The following SCGN variants were observed in gnomAD, a reference collection of about 807,000 sequenced individuals.
The protein encoded by SCGN is secretagogin.
In SCGN, 30 loss-of-function variants were observed where a neutral mutation model predicts 39.7. The observed-to-expected ratio is 0.76, with a 90% confidence interval of 0.57 to 1.03. The LOEUF (loss-of-function observed/expected upper bound fraction) is 1.03. Among genes scored for constraint, SCGN ranks in the 50% least tolerant of loss-of-function variants. The pLI is 0.00. For synonymous variants in SCGN, 106 were observed against 114.1 expected, an observed-to-expected ratio of 0.93 and a Z score of 0.45; for missense variants, 353 against 349.4, an observed-to-expected ratio of 1.01 and a Z score of -0.08.
chr6:25,692,748 T>A (rs993325349), intron 10 of SCGN, among the ~76,000 whole-genome samples: 12 of 152,136 alleles, frequency 7.9e-5, no homozygotes, highest in Non-Finnish European at 1.5e-4. Flanking sequence ...TCAGAATACA[T>A]CCGATTTACA....
intron 3 of SCGN, among the ~76,000 whole-genome samples, chr6:25,663,138 G>C (rs551279344): frequency 1.4e-4 from 22 of 152,152 alleles, no homozygotes; most frequent in South Asian, 4.1e-4. Context: ...AAAACGCAAT[G>C]AGTCTGTGAG....
At chr6:25,689,127 A>C (rs1759742480) in intron 7 of SCGN, 45 bp from the exon 8 acceptor site, 1 of 1,382,760 alleles carries the variant, frequency 7.2e-7, no homozygotes. Context: ...CGTATAACTG[A>C]GAGCTGAACG....
Position 25,688,801 on chromosome 6 carries a change from C to CAAAAA in SCGN, c.528-361_528-357dup, listed in dbSNP as rs10626691. Among the ~76,000 whole-genome samples, 184 of 103,124 alleles carry CAAAAA rather than the reference C, an allele frequency of 1.8e-3. 7 individuals carry two copies. The South Asian group carries it at 0.023, about 13-fold the overall frequency. 67.7% of individuals were successfully genotyped at this position (103,124 alleles called of 152,430 possible). ...TGGGCGACAGAGAGAGATTCTGTCT[C>CAAAAA]AAAAAAAAAAAAAAGATTTTTTTCA... is the stretch of plus-strand genomic sequence containing the variant. On this transcript the variant is annotated intron_variant, in intron 7 of 10. Coordinates refer to ENST00000377961, the MANE Select transcript of SCGN (RefSeq NM_006998.4).
chr6:25,664,370 G>A (rs906816122), intron 3 of SCGN, among the ~76,000 whole-genome samples: 1 of 152,144 alleles, frequency 6.6e-6, no homozygotes, highest in African/African-American at 2.4e-5. Flanking sequence ...GCTTGAGATC[G>A]CCAAGCTGAA....
intron 6 of SCGN, among the ~76,000 whole-genome samples, chr6:25,681,407 C>A (rs1759635524): frequency 1.3e-5 from 2 of 152,172 alleles, no homozygotes; most frequent in South Asian, 4.1e-4. Flanking sequence ...ACCCATATTT[C>A]AAGCTTGTAA....
intron 2 of SCGN, among the ~76,000 whole-genome samples, chr6:25,656,834 C>T (rs1760236125): frequency 6.6e-6 from 1 of 152,190 alleles, no homozygotes; most frequent in Non-Finnish European, 1.5e-5. Context: ...TTTGACTTCA[C>T]ATTTATTTAC....
intron 6 of SCGN, among the ~76,000 whole-genome samples, chr6:25,676,168 C>A (rs762274312): frequency 4.0e-4 from 61 of 152,282 alleles, no homozygotes; most frequent in Admixed American, 2.3e-3. Flanking sequence ...TAAATCTGAC[C>A]GTTTCTCACC....
chr6:25,690,394 G>A (rs1759760425), intron 9 of SCGN, among the ~76,000 whole-genome samples: 2 of 152,164 alleles, frequency 1.3e-5, no homozygotes, highest in African/African-American at 4.8e-5. Context: ...TAAGTGTTTG[G>A]TAAATACACT....
At chr6:25,688,221 C>T (rs1184793973) in intron 7 of SCGN, among the ~76,000 whole-genome samples, 1 of 152,066 alleles carries the variant, frequency 6.6e-6, no homozygotes, top group Admixed American at 6.5e-5. Context: ...TTAATTTCAG[C>T]CTGAAGGACT....
intron 10 of SCGN, among the ~76,000 whole-genome samples, chr6:25,699,589 CAAAAAAA>C (rs35915067): frequency 1.9e-5 from 1 of 53,828 alleles, no homozygotes; most frequent in Non-Finnish European, 3.8e-5. Flanking sequence ...AACTCTGTCT[CAAAAAAA>C]AAAAAAAAAA....
At chr6:25,687,013 T>C (rs749179085) in intron 7 of SCGN, among the ~76,000 whole-genome samples, 2 of 152,298 alleles carry the variant, frequency 1.3e-5, no homozygotes, top group East Asian at 3.9e-4. Flanking sequence ...TATGGGTTTA[T>C]TTCTGTACTC....
chr6:25,701,099 G>A, intron 10 of SCGN, 108 bp from the exon 11 acceptor site: 1 of 1,268,882 alleles, frequency 7.9e-7, no homozygotes, highest in Non-Finnish European at 1.1e-6. Context: ...CCTGTGGCCT[G>A]TCTCCTTCAA....
chr6:25,696,444 A>G (rs533751521), intron 10 of SCGN, among the ~76,000 whole-genome samples: 79 of 152,256 alleles, frequency 5.2e-4, no homozygotes, highest in Admixed American at 3.3e-3. Context: ...TCATTCAGTA[A>G]CCACATAATA....
chr6:25,673,519 T>C (rs147046413), intron 6 of SCGN, among the ~76,000 whole-genome samples: 55 of 152,290 alleles, frequency 3.6e-4, no homozygotes, highest in East Asian at 1.9e-3. Context: ...ATGCAATATT[T>C]TTAGCCTAGA....
intron 2 of SCGN, among the ~76,000 whole-genome samples, chr6:25,658,199 A>G (rs1760262882): frequency 6.6e-6 from 1 of 150,720 alleles, no homozygotes; most frequent in Non-Finnish European, 1.5e-5. Flanking sequence ...GCCACCACGG[A>G]TGGCTAATTT....
At chr6:25,657,235 A>C (rs2011472) in intron 2 of SCGN, among the ~76,000 whole-genome samples, 124,571 of 152,002 alleles carry the variant, frequency 0.82, 51,331 homozygotes, top group African/African-American at 0.89. Context: ...AAATGTACCT[A>C]TTGTCTCTGA....
chr6:25,664,813 C>T (rs12213891), intron 3 of SCGN, 130 bp from the exon 4 acceptor site: 266,511 of 605,426 alleles, frequency 0.44, 59,849 homozygotes, highest in African/African-American at 0.47. Context: ...AACTGCAAAC[C>T]GAGCTGTTCA....
rs545767505 is a variant in SCGN, at chr6:25,673,467, A to G, written c.471+3391A>G. The stretch of plus-strand genomic sequence containing the variant: ...ATTAAAGAAGCTTCAGGCTGGCATC[A>G]TCTTACAATGGGATGTCCTGAGCTC... On this transcript the variant is annotated intron_variant, in intron 6 of 10. Coordinates refer to ENST00000377961, the MANE Select transcript of SCGN (RefSeq NM_006998.4). Among the ~76,000 whole-genome samples, 5 of 152,312 alleles carry G rather than the reference A, an allele frequency of 3.3e-5. No individual in the cohort carries two copies. The South Asian group carries it at 1.0e-3, about 32-fold the overall frequency.
At chr6:25,658,071 G>A (rs1371124575) in intron 2 of SCGN, among the ~76,000 whole-genome samples, 3 of 107,420 alleles carry the variant, frequency 2.8e-5, no homozygotes, top group Non-Finnish European at 5.3e-5. Context: ...AGGGAGTGTC[G>A]CTTTGTTGCC....
Sources: gnomAD v4.1 joint callset for allele counts (sites outside exome capture counted in the v4.1 genomes callset) on GRCh38, gnomAD v4.1.1 for gene constraint, MANE v1.5 for transcripts, NCBI Gene and HGNC (gene_info 2026-07-23, HGNC 2026-07-21) for gene names.